The following PIP5K1B variants were observed in gnomAD, a reference collection of about 807,000 sequenced individuals.
The protein encoded by PIP5K1B is phosphatidylinositol 4-phosphate 5-kinase type-1 beta.
In PIP5K1B, 42 loss-of-function variants were observed where a neutral mutation model predicts 67.0. That is an observed-to-expected ratio of 0.63 (90% CI 0.49 to 0.81). The LOEUF is 0.81. PIP5K1B is among the 30% of genes least tolerant of loss of function. The pLI, the probability that PIP5K1B is intolerant of heterozygous loss-of-function variation, is 0.00. For missense variants in PIP5K1B, 459 were observed against 646.3 expected (o/e 0.71, Z 3.14); for synonymous variants, 214 against 231.4 (o/e 0.92, Z 0.68).
intron 12 of PIP5K1B, among the ~76,000 whole-genome samples, chr9:68,928,389 A>G (rs1345394137): frequency 1.3e-5 from 2 of 152,204 alleles, no homozygotes; most frequent in South Asian, 4.1e-4. Flanking sequence ...GAGTGTTGCC[A>G]TCTTATATCT....
chr9:68,910,340 T>C (rs751038513), intron 8 of PIP5K1B, among the ~76,000 whole-genome samples: 1 of 152,188 alleles, frequency 6.6e-6, no homozygotes, highest in Non-Finnish European at 1.5e-5. Context: ...CACTGTAGGC[T>C]TTTATCTTTA....
Position 68,746,121 on chromosome 9 carries a change from C to T in PIP5K1B, c.-86+3464C>T, listed in dbSNP as rs1006219328. ...TGAGACATAGTCTTGCTCTGTCACCCAGGCTGGAGTGCAGTGGTGCGATCT... is the reference window on the plus strand; with the variant it reads ...TGAGACATAGTCTTGCTCTGTCACCTAGGCTGGAGTGCAGTGGTGCGATCT... On this transcript the variant is annotated intron_variant, in intron 2 of 15. Transcript: ENST00000265382. Among the ~76,000 whole-genome samples the T allele has an allele frequency of 6.1e-5, 9 of 146,524 alleles. No homozygotes were observed. The Admixed American group carries it at 6.3e-4, about 10-fold the overall frequency.
At chr9:68,903,452 T>C (rs554139366) in intron 8 of PIP5K1B, among the ~76,000 whole-genome samples, 201 of 152,368 alleles carry the variant, frequency 1.3e-3, no homozygotes, top group African/African-American at 4.7e-3. Context: ...GCCAGTGAAT[T>C]ACTAAATTGC....
At chr9:68,915,877 G>A (rs572934480) in intron 8 of PIP5K1B, among the ~76,000 whole-genome samples, 51 of 152,290 alleles carry the variant, frequency 3.3e-4, no homozygotes, top group Non-Finnish European at 5.3e-4. Flanking sequence ...CTGTAATACA[G>A]AATAACCTAT....
chr9:68,952,028 C>T (rs1828102145), intron 14 of PIP5K1B, among the ~76,000 whole-genome samples: 1 of 152,196 alleles, frequency 6.6e-6, no homozygotes, highest in Non-Finnish European at 1.5e-5. Context: ...TTCCCACCCC[C>T]TCCTCCTACA....
intron 15 of PIP5K1B, among the ~76,000 whole-genome samples, chr9:69,002,015 G>A (rs552753918): frequency 5.3e-5 from 8 of 152,338 alleles, no homozygotes; most frequent in Non-Finnish European, 8.8e-5. Flanking sequence ...CGGCACAGAC[G>A]AGTGTCAGCT....
intron 8 of PIP5K1B, among the ~76,000 whole-genome samples, chr9:68,911,377 T>A (rs10124013): frequency 0.037 from 4,847 of 132,688 alleles, 237 homozygotes; most frequent in African/African-American, 0.12. Flanking sequence ...CCATCTCAAA[T>A]AAAAAAAAAA....
intron 4 of PIP5K1B, among the ~76,000 whole-genome samples, chr9:68,825,943 G>T (rs1322126382): frequency 2.0e-5 from 3 of 152,172 alleles, no homozygotes; most frequent in Non-Finnish European, 4.4e-5. Context: ...GTGTTCATGG[G>T]ACAACTTTAC....
chr9:68,877,342 A>G (rs1319693146), intron 6 of PIP5K1B, among the ~76,000 whole-genome samples: 5 of 152,236 alleles, frequency 3.3e-5, no homozygotes, highest in Non-Finnish European at 5.9e-5. Context: ...CTTCTGGCAC[A>G]CAAGAGGTAC....
At chr9:68,869,473 T>G (rs1468943796) in intron 5 of PIP5K1B, among the ~76,000 whole-genome samples, 1 of 152,216 alleles carries the variant, frequency 6.6e-6, no homozygotes, top group East Asian at 1.9e-4. Flanking sequence ...GGGACCACTG[T>G]CTTATATCAT....
chr9:68,985,222 T>C (rs1342724821), intron 14 of PIP5K1B, among the ~76,000 whole-genome samples: 1 of 152,132 alleles, frequency 6.6e-6, no homozygotes, highest in Non-Finnish European at 1.5e-5. Flanking sequence ...TTTTCCTCAA[T>C]TTGGCAATAA....
At chr9:68,877,641 G>A (rs1823964861) in intron 6 of PIP5K1B, among the ~76,000 whole-genome samples, 1 of 152,182 alleles carries the variant, frequency 6.6e-6, no homozygotes, top group African/African-American at 2.4e-5. Context: ...GTAACAAAGA[G>A]TGCTTAATAT....
chr9:68,886,111 G>A (rs921511462), intron 6 of PIP5K1B, among the ~76,000 whole-genome samples: 70 of 151,964 alleles, frequency 4.6e-4, no homozygotes, highest in African/African-American at 1.6e-3. Flanking sequence ...CCCGGGAGGC[G>A]GAGCTTGCAG....
chr9:68,788,973 A>C (rs928288492), intron 2 of PIP5K1B: 51 of 338,924 alleles, frequency 1.5e-4, no homozygotes, highest in Middle Eastern at 7.8e-4. Context: ...GGAAGCTGAT[A>C]TCATCCAACC....
intron 14 of PIP5K1B, chr9:68,966,819 T>G (rs1333252533): frequency 2.0e-5 from 3 of 152,214 alleles, no homozygotes; most frequent in African/African-American, 7.2e-5. Context: ...ATAGTAACAC[T>G]TTGTTATAAT....
At chr9:69,007,664 T>C (rs566223274) in intron 15 of PIP5K1B, among the ~76,000 whole-genome samples, 1 of 152,208 alleles carries the variant, frequency 6.6e-6, no homozygotes, top group Non-Finnish European at 1.5e-5. Context: ...AAGACCATCC[T>C]GGCTAACACA....
intron 2 of PIP5K1B, among the ~76,000 whole-genome samples, chr9:68,793,077 G>C (rs1832072620): frequency 1.5e-5 from 1 of 68,922 alleles, no homozygotes; most frequent in African/African-American, 5.2e-5. Context: ...TATAAAGTGT[G>C]TATGTGTGTA....
At chr9:68,797,675 G>T (rs1832368146) in intron 2 of PIP5K1B, among the ~76,000 whole-genome samples, 1 of 152,116 alleles carries the variant, frequency 6.6e-6, no homozygotes, top group South Asian at 2.1e-4. Flanking sequence ...GGATTTAATT[G>T]CTTAGAAATT....
chr9:68,806,431 AG>A (rs1006159786), intron 2 of PIP5K1B, among the ~76,000 whole-genome samples: 2 of 152,302 alleles, frequency 1.3e-5, no homozygotes, highest in Admixed American at 6.5e-5. Flanking sequence ...AGCAGGCTCT[AG>A]AGTCACCCTT....
Sources: gnomAD v4.1 joint callset for allele counts (sites outside exome capture counted in the v4.1 genomes callset) on GRCh38, gnomAD v4.1.1 for gene constraint, MANE v1.5 for transcripts, NCBI Gene and HGNC (gene_info 2026-07-23, HGNC 2026-07-21) for gene names.